APBA1: variants seen among roughly 807,000 people sequenced by gnomAD.
The protein encoded by APBA1 is amyloid beta precursor protein binding family A member 1.
In APBA1, 55 loss-of-function variants were observed where a neutral mutation model predicts 86.6. That is an observed-to-expected ratio of 0.64 (90% CI 0.51 to 0.80). The LOEUF (loss-of-function observed/expected upper bound fraction) is 0.80, where lower values mean the gene tolerates loss of function less well. Among genes scored for constraint, APBA1 ranks in the 30% least tolerant of loss-of-function variants. The pLI, the probability that APBA1 is intolerant of heterozygous loss-of-function variation, is 0.00. For synonymous variants in APBA1, 511 were observed against 493.9 expected (o/e 1.03, Z -0.46); for missense variants, 1,090 against 1,183.0 (o/e 0.92, Z 1.15).
chr9:69,516,256 G>GCGCC lies in APBA1; in HGVS notation c.951_954dup (p.Pro319GlyfsTer69). ...CCCACCGCCCGCTGCTGCCCCGCCGGCGCCTGCAGCCCGGGGCTGTCGGGG... is the reference window on the plus strand; with the variant it reads ...CCCACCGCCCGCTGCTGCCCCGCCGGCGCCCGCCTGCAGCCCGGGGCTGTCGGGG... On this transcript the variant is annotated frameshift_variant, in exon 2 of 13. Coordinates refer to ENST00000265381, the MANE Select transcript of APBA1 (RefSeq NM_001163.4). LOFTEE classifies it high-confidence loss of function. The surrounding 1 kb of genome is among the most constrained non-coding windows in gnomAD (Gnocchi z 7.3). 7.2e-7 allele frequency: 1 copy of GCGCC among 1,379,346 alleles called. No individual in the cohort carries two copies. Among genetic ancestry groups the GCGCC allele is most frequent in the Non-Finnish European group, 9.3e-7 (1 of 1,071,604 alleles). The allele number at this position is 1,379,346 out of a possible 1,614,324, so 85.4% of individuals were successfully genotyped here. A position where few individuals can be genotyped will look rare whatever the true frequency, so the allele number is the denominator to read the frequency against.
chr9:69,490,115 C>T (rs1157929997), intron 2 of APBA1, among the ~76,000 whole-genome samples: 3 of 152,018 alleles, frequency 2.0e-5, no homozygotes, highest in African/African-American at 7.2e-5. Flanking sequence ...GAAAATGTGG[C>T]ACATATACAC....
intron 11 of APBA1, 22 bp downstream of exon 11, chr9:69,440,974 G>T (rs1834811050): frequency 6.2e-7 from 1 of 1,610,182 alleles, no homozygotes; most frequent in Non-Finnish European, 8.5e-7. Flanking sequence ...GTGGAAAAGG[G>T]TGTGGAAGGT....
intron 1 of APBA1, among the ~76,000 whole-genome samples, chr9:69,536,837 G>A (rs937269977): frequency 6.6e-6 from 1 of 150,742 alleles, no homozygotes; most frequent in African/African-American, 2.4e-5. Flanking sequence ...CTGAGATCGT[G>A]CCACTGCACT....
At chr9:69,595,576 C>T (rs535973028) in intron 1 of APBA1, among the ~76,000 whole-genome samples, 3 of 152,284 alleles carry the variant, frequency 2.0e-5, no homozygotes, top group East Asian at 3.9e-4. Context: ...GTATGATCTT[C>T]GTGATAACTG....
chr9:69,440,242 C>G (rs7033137), intron 11 of APBA1, among the ~76,000 whole-genome samples: 58,858 of 152,052 alleles, frequency 0.39, 13,626 homozygotes, highest in African/African-American at 0.64. Context: ...GGACACACTT[C>G]AGGAGGCAGT....
At chr9:69,625,858 C>T (rs1302884342) in intron 1 of APBA1, among the ~76,000 whole-genome samples, 1 of 152,120 alleles carries the variant, frequency 6.6e-6, no homozygotes, top group African/African-American at 2.4e-5. Context: ...TCATCACTGC[C>T]TAAATTACTC....
chr9:69,471,780 A>G, intron 3 of APBA1, 85 bp from the exon 4 acceptor site: 4 of 1,109,778 alleles, frequency 3.6e-6, no homozygotes, highest in Non-Finnish European at 5.4e-6. Context: ...CATGAAAAAT[A>G]AATACATAAT....
chr9:69,576,011 GA>G (rs1183803286), intron 1 of APBA1, among the ~76,000 whole-genome samples: 13 of 151,954 alleles, frequency 8.6e-5, no homozygotes, highest in South Asian at 2.1e-4. Flanking sequence ...AAATTTACAA[GA>G]AAAAAACAAA....
chr9:69,598,142 G>A (rs1424072546), intron 1 of APBA1, among the ~76,000 whole-genome samples: 1 of 152,004 alleles, frequency 6.6e-6, no homozygotes. Flanking sequence ...TAGGGACATG[G>A]ATGAAATTGG....
intron 2 of APBA1, among the ~76,000 whole-genome samples, chr9:69,488,213 T>C (rs1222301604): frequency 6.6e-6 from 1 of 152,112 alleles, no homozygotes; most frequent in Non-Finnish European, 1.5e-5. Context: ...GAGTCAGTCC[T>C]TAAATATTTT....
chr9:69,573,029 G>A (rs1285354759), intron 1 of APBA1, among the ~76,000 whole-genome samples: 2 of 151,018 alleles, frequency 1.3e-5, no homozygotes, highest in East Asian at 4.0e-4. Context: ...GTGTGGTGGT[G>A]TGCACCTGTA....
At chr9:69,605,025 A>G (rs1472863248) in intron 1 of APBA1, among the ~76,000 whole-genome samples, 1 of 152,252 alleles carries the variant, frequency 6.6e-6, no homozygotes, top group Non-Finnish European at 1.5e-5. Context: ...AAACATGCCA[A>G]TTCGGTTATG....
At chr9:69,626,695 T>C (rs2133994361) in intron 1 of APBA1, among the ~76,000 whole-genome samples, 1 of 152,208 alleles carries the variant, frequency 6.6e-6, no homozygotes, top group Admixed American at 6.5e-5. Context: ...CTTGGCCAAA[T>C]CTCTTGGAGA....
chr9:69,468,020 A>C, intron 4 of APBA1, 52 bp from the exon 5 acceptor site: 3 of 1,591,806 alleles, frequency 1.9e-6, no homozygotes, highest in Non-Finnish European at 2.6e-6. Context: ...GGGGCCTGCC[A>C]ACCCCCTCAA....
chr9:69,440,838 G>A (rs1469516080), intron 11 of APBA1, among the ~76,000 whole-genome samples, 158 bp downstream of exon 11: 1 of 152,140 alleles, frequency 6.6e-6, no homozygotes, highest in Non-Finnish European at 1.5e-5. Context: ...TGGTACCTCA[G>A]TTGGAAATGC....
chr9:69,523,477 G>GTATATATATATATATATATGTATA (rs1445439358), intron 1 of APBA1, among the ~76,000 whole-genome samples: 1 of 80,632 alleles, frequency 1.2e-5, no homozygotes, highest in African/African-American at 5.5e-5. Context: ...ATATATATAT[G>GTATATATATATATATATATGTATA]TATATATATA....
At chr9:69,524,282 C>G (rs985379995) in intron 1 of APBA1, among the ~76,000 whole-genome samples, 3 of 151,968 alleles carry the variant, frequency 2.0e-5, no homozygotes, top group Non-Finnish European at 4.4e-5. Flanking sequence ...TACATAGAAT[C>G]AGTGAAGCCA....
intron 2 of APBA1, among the ~76,000 whole-genome samples, chr9:69,488,253 TG>T (rs1392597683): frequency 1.3e-5 from 2 of 152,120 alleles, no homozygotes; most frequent in African/African-American, 4.8e-5. Context: ...ATGATTGAGA[TG>T]ACCCTTTCTG....
chr9:69,570,349 C>T (rs1231328749), intron 1 of APBA1, among the ~76,000 whole-genome samples: 1 of 152,046 alleles, frequency 6.6e-6, no homozygotes, highest in African/African-American at 2.4e-5. Flanking sequence ...TCAAAGATTC[C>T]CAGAGAAAAT....
Sources: allele counts gnomAD v4.1 joint callset (sites outside exome capture counted in the v4.1 genomes callset), GRCh38; gene constraint gnomAD v4.1.1; non-coding constraint Gnocchi (gnomAD v3.1); transcripts MANE v1.5; gene names NCBI Gene and HGNC (gene_info 2026-07-23, HGNC 2026-07-21).